The following LDLRAP1 variants were observed in gnomAD, a reference collection of about 807,000 sequenced individuals.
LDLRAP1 encodes the protein low density lipoprotein receptor adapter protein 1.
Under a neutral mutation model 37.8 loss-of-function variants are expected in LDLRAP1, and 30 were observed. The ratio of observed to expected loss-of-function variants is 0.79; its 90% CI spans 0.59 to 1.08. The LOEUF (loss-of-function observed/expected upper bound fraction) is 1.08. Ranked by LOEUF, LDLRAP1 falls within the 50% of genes least tolerant of loss-of-function variation. The pLI is 0.00. For missense variants in LDLRAP1, 375 were observed against 401.6 expected (o/e 0.93, Z 0.57); for synonymous variants, 156 against 169.8 (o/e 0.92, Z 0.63).
the LDLRAP1 span, among the ~76,000 whole-genome samples, chr1:25,576,346 G>C: frequency 7.9e-5 from 12 of 151,926 alleles, no homozygotes; most frequent in Non-Finnish European, 1.3e-4. Context: ...AACCAACATG[G>C]AGAAACCCCA....
intron 1 of LDLRAP1, among the ~76,000 whole-genome samples, chr1:25,548,165 C>T (rs908329001): frequency 4.6e-5 from 7 of 152,158 alleles, no homozygotes; most frequent in African/African-American, 1.7e-4. Flanking sequence ...CTATCCTGGA[C>T]TCTTCTCTCA....
At chr1:25,588,889 G>A in the LDLRAP1 span, among the ~76,000 whole-genome samples, 1 of 152,188 alleles carries the variant, frequency 6.6e-6, no homozygotes, top group African/African-American at 2.4e-5. Context: ...GGGTCATGGA[G>A]CGCCTTGAGA....
At chr1:25,563,277 A>T in intron 6 of LDLRAP1, 124 bp downstream of exon 6, 1 of 701,918 alleles carries the variant, frequency 1.4e-6, no homozygotes, top group Non-Finnish European at 2.4e-6. Flanking sequence ...TTGTTAAATA[A>T]ATAATACACG....
At chr1:25,550,800 G>A (rs1207820886) in intron 1 of LDLRAP1, among the ~76,000 whole-genome samples, 1 of 152,312 alleles carries the variant, frequency 6.6e-6, no homozygotes, top group South Asian at 2.1e-4. Flanking sequence ...GGTTAGAGGA[G>A]GGGAAGGGTC....
intron 1 of LDLRAP1, among the ~76,000 whole-genome samples, chr1:25,547,486 T>A (rs2043962784): frequency 6.9e-6 from 1 of 145,752 alleles, no homozygotes; most frequent in South Asian, 2.2e-4. Flanking sequence ...TTGTCTCAAA[T>A]AATAAATAAA....
At chr1:25,560,389 C>T (rs912632472) in intron 4 of LDLRAP1, among the ~76,000 whole-genome samples, 8 of 152,160 alleles carry the variant, frequency 5.3e-5, no homozygotes, top group African/African-American at 1.9e-4. Context: ...CCGTTCAACT[C>T]TGGGGCAGCA....
chr1:25,553,591 C>T (rs2044125916), intron 1 of LDLRAP1: 2 of 370,632 alleles, frequency 5.4e-6, no homozygotes, highest in Admixed American at 3.9e-5. Context: ...GTGGCTCATG[C>T]CTGTAATCCC....
chr1:25,586,424 G>A, the LDLRAP1 span, among the ~76,000 whole-genome samples: 1 of 152,120 alleles, frequency 6.6e-6, no homozygotes, highest in Non-Finnish European at 1.5e-5. The surrounding 1 kb of genome is among the most constrained non-coding windows in gnomAD (Gnocchi z 4.3). Context: ...AGACACCAGC[G>A]TCCATCAGGG....
the LDLRAP1 span, among the ~76,000 whole-genome samples, chr1:25,576,715 A>G: frequency 6.6e-6 from 1 of 152,250 alleles, no homozygotes; most frequent in Non-Finnish European, 1.5e-5. Context: ...TTCAAGGCCA[A>G]TCCTAACCCA....
chr1:25,557,055 C>T, intron 3 of LDLRAP1, 98 bp from the exon 4 acceptor site: 1 of 869,254 alleles, frequency 1.2e-6, no homozygotes, highest in East Asian at 2.5e-5. Context: ...GTGGGAATAG[C>T]AGGTTCTCTG....
At position 25,555,079 on chromosome 1, in the gene LDLRAP1, G is replaced by C. The variant is rs1214696086; in HGVS notation, c.344+107G>C. 2.4e-6 allele frequency: 2 copies of C among 831,210 alleles called. No individual in the cohort carries two copies. Among genetic ancestry groups the C allele is most frequent in the Non-Finnish European group, 4.1e-6 (2 of 486,826 alleles). The allele number at this position is 831,210 out of a possible 1,614,324, so 51.5% of individuals were successfully genotyped here. Reference sequence around the variant, plus strand: ...CACTTCCTACCTGGGTGACATTGGAGCCTCAGTTTCCTCATCTGTAAAATG... The same window carrying C: ...CACTTCCTACCTGGGTGACATTGGACCCTCAGTTTCCTCATCTGTAAAATG... On this transcript the variant is annotated intron_variant, in intron 3 of 8. Coordinates refer to ENST00000374338, the MANE Select transcript of LDLRAP1 (RefSeq NM_015627.3). The surrounding 1 kb of genome is among the most constrained non-coding windows in gnomAD (Gnocchi z 4.7).
chr1:25,569,778 C>T (rs1339816530), downstream of LDLRAP1, among the ~76,000 whole-genome samples: 2 of 152,226 alleles, frequency 1.3e-5, no homozygotes, highest in African/African-American at 4.8e-5. Context: ...TGGCAGATGG[C>T]ATTAGCTCCC....
chr1:25,565,145 T>C lies in LDLRAP1; in HGVS notation c.748-28T>C, dbSNP rs374198190. 1.4e-5 allele frequency: 23 copies of C among 1,613,640 alleles called. No homozygotes were observed. In the African/African-American group the frequency reaches 2.4e-4, roughly 17 times the overall value. ...GAGCATGGGCTCCCCCAAACATAGT[T>C]CTTATCTCCTGCTTTGTTTTCCCCA... On this transcript the variant is annotated intron_variant, in intron 7 of 8. Transcript: ENST00000374338.
At chr1:25,577,792 G>A in the LDLRAP1 span, among the ~76,000 whole-genome samples, 996 of 152,326 alleles carry the variant, frequency 6.5e-3, 9 homozygotes, top group African/African-American at 0.021. Flanking sequence ...TGCCACCCTC[G>A]GAGCCTCATC....
the LDLRAP1 span, among the ~76,000 whole-genome samples, chr1:25,582,372 A>G: frequency 6.6e-6 from 1 of 152,062 alleles, no homozygotes; most frequent in Non-Finnish European, 1.5e-5. Flanking sequence ...AGATCACTAG[A>G]TATGGAGATC....
At chr1:25,547,692 A>T (rs1227458540) in intron 1 of LDLRAP1, among the ~76,000 whole-genome samples, 2 of 152,050 alleles carry the variant, frequency 1.3e-5, no homozygotes, top group Non-Finnish European at 2.9e-5. Flanking sequence ...AGTCTGCGCC[A>T]GCCTCAGCAT....
chr1:25,573,397 G>T (rs1016816937), downstream of LDLRAP1, among the ~76,000 whole-genome samples: 1 of 152,182 alleles, frequency 6.6e-6, no homozygotes, highest in Admixed American at 6.5e-5. Context: ...GTCCCTGCAG[G>T]GGCTCAGGGA....
the LDLRAP1 span, among the ~76,000 whole-genome samples, chr1:25,579,686 T>C: frequency 3.9e-5 from 6 of 152,210 alleles, no homozygotes; most frequent in South Asian, 1.0e-3. Flanking sequence ...CTTCGTGCCA[T>C]TCATGTGTTC....
At chr1:25,589,946 C>A in the LDLRAP1 span, among the ~76,000 whole-genome samples, 1 of 152,110 alleles carries the variant, frequency 6.6e-6, no homozygotes, top group Non-Finnish European at 1.5e-5. Context: ...ACTAAAAATA[C>A]AAAAAAATTA....
Sources: allele counts gnomAD v4.1 joint callset (sites outside exome capture counted in the v4.1 genomes callset), GRCh38; gene constraint gnomAD v4.1.1; non-coding constraint Gnocchi (gnomAD v3.1); transcripts MANE v1.5; gene names NCBI Gene and HGNC (gene_info 2026-07-23, HGNC 2026-07-21).